The following CYFIP2 variants were observed in gnomAD, a reference collection of about 807,000 sequenced individuals.
The protein encoded by CYFIP2 is cytoplasmic FMR1-interacting protein 2.
A neutral mutation model predicts 158.7 loss-of-function variants in CYFIP2; 29 were observed. The ratio of observed to expected loss-of-function variants is 0.18; its 90% CI spans 0.14 to 0.25. CYFIP2 has a LOEUF of 0.25. Among genes scored for constraint, CYFIP2 ranks in the 10% least tolerant of loss-of-function variants. The pLI is 1.00. For missense variants in CYFIP2, 852 were observed against 1,639.5 expected, an observed-to-expected ratio of 0.52 and a Z score of 8.29; for synonymous variants, 585 against 617.6, an observed-to-expected ratio of 0.95 and a Z score of 0.78.
Position 157,342,923 on chromosome 5 carries a change from G to C in CYFIP2, c.2673+1766G>C. On this transcript the variant is annotated intron_variant, in intron 23 of 30. Transcript: ENST00000620254. ...ACCACCCCCCCTCTGTAAGGCACCCGCATCAGGGGCATCCTGGTTGGCTTC... is the reference window on the plus strand; with the variant it reads ...ACCACCCCCCCTCTGTAAGGCACCCCCATCAGGGGCATCCTGGTTGGCTTC... 6.2e-7 allele frequency: 1 copy of C among 1,614,128 alleles called. No homozygotes were observed. Among genetic ancestry groups the C allele is most frequent in the Non-Finnish European group, 8.5e-7 (1 of 1,179,994 alleles).
chr5:157,362,858 G>A (rs1763961488), intron 26 of CYFIP2: 1 of 152,308 alleles, frequency 6.6e-6, no homozygotes, highest in African/African-American at 2.4e-5. Context: ...AATTTGCCTG[G>A]TGAAGCTGTC....
chr5:157,325,600 G>C lies in CYFIP2; in HGVS notation c.1944G>C (p.Thr648=). 1 of 1,611,622 alleles carries C rather than the reference G, an allele frequency of 6.2e-7. No homozygotes were observed. The highest frequency in any genetic ancestry group is 8.5e-7 in the Non-Finnish European group (1 of 1,178,824). The change falls in exon 17 of 31, where the codon ACG becomes ACC. Residue 648 remains threonine, a synonymous_variant. Transcript: ENST00000620254. ...AGATGTCCATGCCCTGGATTCTAAC[G>C]GACCATATCCTGGAAACCAAAGAAC... ...PIEMSMPWIL[T]DHILETKEPS...
rs1459779106 is a variant in CYFIP2 at position 157,314,451 on chromosome 5, C to A, written c.1218C>A (p.His406Gln). 1 of 1,613,682 alleles carries A rather than the reference C, an allele frequency of 6.2e-7. No individual in the cohort carries two copies. The highest frequency in any genetic ancestry group is 8.5e-7 in the Non-Finnish European group (1 of 1,179,766). ...AGCTTCTATCCAAGTGGAGCGCCCA[C>A]GTCATGGAGGTGGTAGGTGTCTCTG... ...GLQLLSKWSA[H>Q]VMEVYSWKLV... The change falls in exon 12 of 31, where the codon CAC (histidine) becomes CAA (glutamine). Residue 406 changes from histidine (H) to glutamine (Q), a missense_variant. Transcript: ENST00000620254.
intron 26 of CYFIP2, among the ~76,000 whole-genome samples, chr5:157,368,711 G>A (rs2910160): frequency 0.27 from 41,384 of 151,414 alleles, 5,943 homozygotes; most frequent in Non-Finnish European, 0.33. Context: ...GGAAAAAATG[G>A]TCTGACAGTT....
intron 1 of CYFIP2, among the ~76,000 whole-genome samples, chr5:157,282,299 A>G (rs1183680142): frequency 6.6e-6 from 1 of 152,192 alleles, no homozygotes; most frequent in African/African-American, 2.4e-5. Flanking sequence ...GAGAGTGGGC[A>G]GTGTGGGGGA....
chr5:157,339,025 C>T (rs1413204499), intron 21 of CYFIP2, 32 bp from the exon 22 acceptor site: 1 of 1,584,662 alleles, frequency 6.3e-7, no homozygotes, highest in Non-Finnish European at 8.6e-7. Context: ...ACAAGCAAGT[C>T]CTCAGCAGTT....
intron 19 of CYFIP2, among the ~76,000 whole-genome samples, chr5:157,329,054 G>T (rs1170292543): frequency 6.6e-6 from 1 of 152,216 alleles, no homozygotes; most frequent in Admixed American, 6.5e-5. Context: ...AAAAGGATTT[G>T]CTTCATTTTG....
intron 22 of CYFIP2, 80 bp downstream of exon 22, chr5:157,339,336 C>T: frequency 1.5e-6 from 2 of 1,298,054 alleles, no homozygotes. Context: ...AGGCCCAGTA[C>T]ATGTGTGAGT....
rs530297887 is a variant in CYFIP2, at chr5:157,360,541, T to C, written c.2908+169T>C. Among the ~76,000 whole-genome samples the C allele has an allele frequency of 2.6e-5, 4 of 152,344 alleles. No individual in the cohort carries two copies. In the East Asian group the frequency reaches 7.7e-4, roughly 29 times the overall value. ...GCCTTTTAATCCCTCTGAGCAATGTTATCATCTTGTCAGTGTAGGGAGATG... is the reference window on the plus strand; with the variant it reads ...GCCTTTTAATCCCTCTGAGCAATGTCATCATCTTGTCAGTGTAGGGAGATG... On this transcript the variant is annotated intron_variant, in intron 25 of 30. Coordinates refer to ENST00000620254, the MANE Select transcript of CYFIP2 (RefSeq NM_001037333.3).
chr5:157,342,816 G>A (rs749718405), intron 23 of CYFIP2: 5 of 1,546,326 alleles, frequency 3.2e-6, no homozygotes, highest in Admixed American at 3.8e-5. Context: ...GACCTACTGT[G>A]TGGAAAGCTT....
chr5:157,361,248 C>T lies in CYFIP2; in HGVS notation c.2909-220C>T, dbSNP rs1221584045. On this transcript the variant is annotated intron_variant, in intron 25 of 30. Coordinates refer to ENST00000620254, the MANE Select transcript of CYFIP2 (RefSeq NM_001037333.3). The surrounding 1 kb of genome is among the most constrained non-coding windows in gnomAD (Gnocchi z 4.4). The stretch of plus-strand genomic sequence containing the variant: ...GTTTGTGTGTGTGTGCATGTGTGTG[C>T]GTGTGTGTGTTCTGAAAAAGACATG... Among the ~76,000 whole-genome samples the T allele has an allele frequency of 6.6e-5, 10 of 151,916 alleles. No individual in the cohort carries two copies. The highest frequency in any genetic ancestry group is 1.9e-4 in the African/African-American group (8 of 41,462).
chr5:157,360,326 G>A lies in CYFIP2; in HGVS notation c.2862G>A (p.Val954=). 6.2e-7 allele frequency: 1 copy of A among 1,613,884 alleles called. No homozygotes were observed. Among genetic ancestry groups the A allele is most frequent in the Non-Finnish European group, 8.5e-7 (1 of 1,179,810 alleles). The change falls in exon 25 of 31, where the codon GTG becomes GTA. Residue 954 remains valine (V), a synonymous_variant. Transcript: ENST00000620254. ...AGTATGTGAAAACACTGATAGAGGTGATGCCCAAGATATGCCGCTTGCCCC... is the reference window on the plus strand; with the variant it reads ...AGTATGTGAAAACACTGATAGAGGTAATGCCCAAGATATGCCGCTTGCCCC... ...ILQYVKTLIE[V]MPKICRLPRH... is the part of the protein sequence containing the mutation.
rs1459314371 is a variant in CYFIP2, at chr5:157,314,417, G to A, written c.1184G>A (p.Arg395Gln). ...EYRELFDLAL[R>Q]GLQLLSKWSA... ...CGCGAGCTCTTCGACCTAGCCCTGC[G>A]GGGTCTGCAGCTTCTATCCAAGTGG... The change falls in exon 12 of 31, where the codon CGG (arginine) becomes CAG (glutamine). Residue 395 changes from arginine to glutamine, a missense_variant. Arg to Gln is a conservative substitution (Grantham distance 43). Around this residue, in one of 8 missense-constraint regions of CYFIP2, gnomAD observed 133 missense variants for 197.1 expected, o/e 0.67. Transcript: ENST00000620254. The A allele has an allele frequency of 3.7e-6, 6 of 1,613,798 alleles. No homozygotes were observed. Among genetic ancestry groups the A allele is most frequent in the East Asian group, 2.2e-5 (1 of 44,894 alleles).
chr5:157,382,491 C>T (rs1349987645), intron 26 of CYFIP2, 99 bp from the exon 27 acceptor site: 4 of 1,264,670 alleles, frequency 3.2e-6, no homozygotes, highest in Admixed American at 2.0e-5. Context: ...GATTTGAACC[C>T]AGGTCTAGCT....
At chr5:157,280,386 T>C (rs933195430) in intron 1 of CYFIP2, among the ~76,000 whole-genome samples, 1 of 145,440 alleles carries the variant, frequency 6.9e-6, no homozygotes, top group Non-Finnish European at 1.5e-5. Flanking sequence ...TTTTGTATTT[T>C]TAGTAGAAAT....
At position 157,370,126 on chromosome 5, in the gene CYFIP2, G is replaced by A. The variant is rs527354220; in HGVS notation, c.3039+8528G>A. Among the ~76,000 whole-genome samples, 6 of 152,156 alleles carry A rather than the reference G, an allele frequency of 3.9e-5. No homozygotes were observed. In the East Asian group the frequency reaches 5.8e-4, roughly 15 times the overall value. Reference sequence around the variant, plus strand: ...GAACTCCTGACCTCGTGATCCATGCGCCTCAGCCTCCCAAAGTGCTGGGAT... The same window carrying A: ...GAACTCCTGACCTCGTGATCCATGCACCTCAGCCTCCCAAAGTGCTGGGAT... On this transcript the variant is annotated intron_variant, in intron 26 of 30. Transcript: ENST00000620254.
chr5:157,276,361 C>T (rs777600574), intron 1 of CYFIP2, among the ~76,000 whole-genome samples: 8 of 152,014 alleles, frequency 5.3e-5, no homozygotes, highest in Non-Finnish European at 1.0e-4. Context: ...TTGTCAAATG[C>T]TTTTTCTGTG....
intron 13 of CYFIP2, among the ~76,000 whole-genome samples, chr5:157,319,122 G>T (rs1362492433): frequency 6.6e-6 from 1 of 152,102 alleles, no homozygotes; most frequent in African/African-American, 2.4e-5. Flanking sequence ...CCAAAAGAGC[G>T]AGCCAAGGTC....
chr5:157,384,257 T>C (rs1716876844), intron 28 of CYFIP2: 4 of 456,330 alleles, frequency 8.8e-6, no homozygotes, highest in African/African-American at 4.0e-5. Flanking sequence ...GGAAGAGAAA[T>C]AGGGGGAGAG....
Sources: allele counts gnomAD v4.1 joint callset (sites outside exome capture counted in the v4.1 genomes callset), GRCh38; gene constraint gnomAD v4.1.1; regional missense constraint gnomAD v4.1.1; non-coding constraint Gnocchi (gnomAD v3.1); transcripts MANE v1.5; gene names NCBI Gene and HGNC (gene_info 2026-07-23, HGNC 2026-07-21).